The following SLC12A2 variants were observed in gnomAD, a reference collection of about 807,000 sequenced individuals.
SLC12A2 encodes Na-K-2Cl cotransporter 1.
SLC12A2 carries 67 observed loss-of-function variants against 136.3 expected under a neutral mutation model. The observed-to-expected ratio is 0.49, with a 90% confidence interval of 0.40 to 0.60. SLC12A2 has a LOEUF of 0.60. SLC12A2 is among the 20% of genes least tolerant of loss of function. The pLI is 0.00. For synonymous variants in SLC12A2, 619 were observed against 562.9 expected, an observed-to-expected ratio of 1.10 and a Z score of -1.41; for missense variants, 1,322 against 1,534.7, an observed-to-expected ratio of 0.86 and a Z score of 2.32.
chr5:128,170,549 CATT>C (rs1299491833), intron 18 of SLC12A2: 1 of 152,042 alleles, frequency 6.6e-6, no homozygotes, highest in Non-Finnish European at 1.5e-5. Flanking sequence ...CTTAATATAT[CATT>C]GTTTTTAATA....
chr5:128,097,749 T>C (rs1297398540), intron 1 of SLC12A2, among the ~76,000 whole-genome samples: 1 of 152,144 alleles, frequency 6.6e-6, no homozygotes, highest in East Asian at 1.9e-4. Flanking sequence ...TTTCAATAGT[T>C]ACATGGCTTT....
Position 128,188,696 on chromosome 5 carries a change from G to C in SLC12A2, c.*2065G>C. 7.0e-6 allele frequency: 1 copy of C among 142,270 alleles called. No homozygotes were observed. Among genetic ancestry groups the C allele is most frequent in the East Asian group, 2.1e-4 (1 of 4,788 alleles). 8.8% of individuals were successfully genotyped at this position (142,270 alleles called of 1,614,324 possible). A position where few individuals can be genotyped will look rare whatever the true frequency, so the allele number is the denominator to read the frequency against. On this transcript the variant is annotated 3_prime_UTR_variant, in exon 27 of 27. Coordinates refer to ENST00000262461, the MANE Select transcript of SLC12A2 (RefSeq NM_001046.3). ...CCTAGGTATAGAGATCTGATAACTT[G>C]AATTCAGAATATTAAGAAAATGAAG...
chr5:128,107,356 A>T (rs1043830172), intron 1 of SLC12A2, among the ~76,000 whole-genome samples: 9 of 152,140 alleles, frequency 5.9e-5, no homozygotes, highest in Non-Finnish European at 1.0e-4. Flanking sequence ...GTTTTGCTAC[A>T]TAGGTATACA....
chr5:128,112,761 G>A, intron 1 of SLC12A2, 53 bp from the exon 2 acceptor site: 1 of 1,387,938 alleles, frequency 7.2e-7, no homozygotes. Flanking sequence ...TTTTTATCAA[G>A]TGATTTTAAA....
intron 25 of SLC12A2, 55 bp from the exon 26 acceptor site, chr5:128,184,734 A>G (rs765879707): frequency 9.3e-6 from 15 of 1,609,106 alleles, no homozygotes; most frequent in South Asian, 4.4e-5. Flanking sequence ...TTTATGAACC[A>G]TGCTAAATTC....
At chr5:128,173,159 T>G (rs1337516582) in intron 19 of SLC12A2, among the ~76,000 whole-genome samples, 1 of 152,218 alleles carries the variant, frequency 6.6e-6, no homozygotes, top group East Asian at 1.9e-4. Context: ...TTAAACTGTT[T>G]TAATCTTCCC....
At position 128,084,019 on chromosome 5, in the gene SLC12A2, C is replaced by A; in HGVS notation, c.65C>A (p.Pro22Gln). Reference protein sequence around the residue: ...APGLAGVGETPSAAALAAARV... With the variant: ...APGLAGVGETQSAAALAAARV... ...GGACTGGCCGGGGTCGGGGAGACGCCGTCAGCCGCTGCGCTGGCCGCAGCC... is the reference window on the plus strand; with the variant it reads ...GGACTGGCCGGGGTCGGGGAGACGCAGTCAGCCGCTGCGCTGGCCGCAGCC... The change falls in exon 1 of 27, where the codon CCG (proline) becomes CAG (glutamine). Residue 22 changes from proline (P) to glutamine (Q), a missense_variant. Pro to Gln is a moderately conservative substitution (Grantham distance 76, BLOSUM62 -1). Transcript: ENST00000262461. This position sits in a 1 kb window ranked among gnomAD's most constrained non-coding sequence, Gnocchi z 5.6. 1.4e-5 allele frequency: 18 copies of A among 1,256,566 alleles called. No individual in the cohort carries two copies. Among genetic ancestry groups the A allele is most frequent in the African/African-American group, 1.6e-5 (1 of 64,150 alleles). 77.8% of individuals were successfully genotyped at this position (1,256,566 alleles called of 1,614,324 possible).
chr5:128,183,092 A>G (rs1298847443), intron 24 of SLC12A2, 151 bp downstream of exon 24: 2 of 548,558 alleles, frequency 3.6e-6, no homozygotes, highest in Non-Finnish European at 6.6e-6. Context: ...TGGCATGCAT[A>G]TATCAGATAT....
intron 18 of SLC12A2, 96 bp downstream of exon 18, chr5:128,167,963 C>G (rs1312759943): frequency 1.9e-5 from 12 of 625,998 alleles, no homozygotes; most frequent in Middle Eastern, 4.3e-4. Flanking sequence ...CATATAGTCT[C>G]TTGTAATGGA....
intron 1 of SLC12A2, among the ~76,000 whole-genome samples, chr5:128,089,369 A>C (rs1437618623): frequency 6.6e-6 from 1 of 152,144 alleles, no homozygotes; most frequent in Non-Finnish European, 1.5e-5. Flanking sequence ...ACTGCGCTTC[A>C]GCATGGGCAA....
At chr5:128,169,305 G>A (rs1763297269) in intron 18 of SLC12A2, 1 of 152,052 alleles carries the variant, frequency 6.6e-6, no homozygotes, top group South Asian at 2.1e-4. Context: ...ATTTTGATCT[G>A]ATCACCCTTT....
intron 3 of SLC12A2, 123 bp from the exon 4 acceptor site, chr5:128,114,463 A>T: frequency 1.2e-6 from 1 of 831,206 alleles, no homozygotes; most frequent in Non-Finnish European, 1.9e-6. Flanking sequence ...ATAAAATGAG[A>T]TCAAAATTGG....
At chr5:128,115,026 A>T (rs1176272910) in intron 4 of SLC12A2, among the ~76,000 whole-genome samples, 3 of 152,236 alleles carry the variant, frequency 2.0e-5, no homozygotes, top group Non-Finnish European at 2.9e-5. Flanking sequence ...TATTGGGGTA[A>T]CCTCATTCCC....
chr5:128,141,968 T>C lies in SLC12A2; in HGVS notation c.1760T>C (p.Met587Thr), dbSNP rs1762380088. Residue 587 changes from methionine (M) to threonine (T), a missense_variant, in exon 10 of 27, where the codon ATG becomes ACG. Physicochemically the swap from Met to Thr is moderately conservative, Grantham distance 81 (BLOSUM62 -1). Around this residue, in one of 8 missense-constraint regions of SLC12A2, gnomAD observed 294 missense variants for 436.6 expected, o/e 0.67. Coordinates refer to ENST00000262461, the MANE Select transcript of SLC12A2 (RefSeq NM_001046.3). ...AGCAGTCCTTGTTCCTATGGCCTAA[T>C]GAACAACTTCCAGGTGAGCATTGAC... Reference protein sequence around the residue: ...CESSPCSYGLMNNFQVMSMVS... With the variant: ...CESSPCSYGLTNNFQVMSMVS... 1 of 1,613,842 alleles carries C rather than the reference T, an allele frequency of 6.2e-7. No individual in the cohort carries two copies. The highest frequency in any genetic ancestry group is 8.5e-7 in the Non-Finnish European group (1 of 1,179,842).
At chr5:128,086,930 T>A (rs1760122990) in intron 1 of SLC12A2, among the ~76,000 whole-genome samples, 1 of 152,244 alleles carries the variant, frequency 6.6e-6, no homozygotes. Context: ...AGAATTTTTA[T>A]AACACCTAAT....
intron 24 of SLC12A2, among the ~76,000 whole-genome samples, 173 bp downstream of exon 24, chr5:128,183,114 T>TA (rs989693962): frequency 6.6e-6 from 1 of 152,092 alleles, no homozygotes; most frequent in Non-Finnish European, 1.5e-5. Context: ...AAAGAAAGTC[T>TA]AAAGAGTTTT....
chr5:128,124,919 TAG>T (rs1353933694), intron 4 of SLC12A2, among the ~76,000 whole-genome samples: 1 of 152,098 alleles, frequency 6.6e-6, no homozygotes. Context: ...TAAACTGAGG[TAG>T]ATTTGAAGGG....
intron 1 of SLC12A2, among the ~76,000 whole-genome samples, chr5:128,097,586 T>C (rs1760591162): frequency 6.6e-6 from 1 of 152,094 alleles, no homozygotes; most frequent in South Asian, 2.1e-4. Context: ...ATTCTTCTGT[T>C]GAATTTCTAG....
At position 128,135,798 on chromosome 5, in the gene SLC12A2, T is replaced by A. The variant is rs759572983; in HGVS notation, c.1398T>A (p.Phe466Leu). Residue 466 changes from phenylalanine (F) to leucine (L), a missense_variant, in exon 7 of 27, where the codon TTT becomes TTA. Phe to Leu is a conservative substitution (Grantham distance 22). This residue lies in a region of SLC12A2 where 110 missense variants were observed against 114.5 expected (regional missense o/e 0.96). Coordinates refer to ENST00000262461, the MANE Select transcript of SLC12A2 (RefSeq NM_001046.3). ...PLESKKPKGF[F>L]GYKSEIFNEN... ...AGAGCAAGAAGCCAAAAGGGTTTTTTGGTTATAAATGTAAGTAAAAAAGAT... is the reference window on the plus strand; with the variant it reads ...AGAGCAAGAAGCCAAAAGGGTTTTTAGGTTATAAATGTAAGTAAAAAAGAT... 1 of 1,574,070 alleles carries A rather than the reference T, an allele frequency of 6.4e-7. No homozygotes were observed.
Sources: allele counts gnomAD v4.1 joint callset (sites outside exome capture counted in the v4.1 genomes callset), GRCh38; gene constraint gnomAD v4.1.1; regional missense constraint gnomAD v4.1.1; non-coding constraint Gnocchi (gnomAD v3.1); transcripts MANE v1.5; gene names NCBI Gene and HGNC (gene_info 2026-07-23, HGNC 2026-07-21).